The following VWA3B variants were observed in gnomAD, a reference collection of about 807,000 sequenced individuals.
VWA3B encodes the protein von Willebrand factor A domain containing 3B.
VWA3B carries 138 observed loss-of-function variants against 158.3 expected under a neutral mutation model. The observed-to-expected ratio is 0.87, with a 90% CI of 0.76 to 1.00. VWA3B has a LOEUF of 1.00. Ranked by LOEUF, VWA3B falls within the 50% of genes least tolerant of loss-of-function variation. VWA3B has a pLI of 0.00. For synonymous variants in VWA3B, 596 were observed against 587.3 expected (o/e 1.01, Z -0.21); for missense variants, 1,555 against 1,565.1 (o/e 0.99, Z 0.11).
At chr2:98,303,915 G>A (rs1374330197) in intron 26 of VWA3B, 113 bp downstream of exon 26, 4 of 974,670 alleles carry the variant, frequency 4.1e-6, no homozygotes, top group Non-Finnish European at 6.3e-6. Flanking sequence ...AAGTAGAGAT[G>A]CAGAATGTCC....
intron 15 of VWA3B, among the ~76,000 whole-genome samples, chr2:98,229,247 G>A (rs146360171): frequency 3.7e-4 from 56 of 152,300 alleles, no homozygotes; most frequent in African/African-American, 1.3e-3. Context: ...GCCATTTATT[G>A]AGTACAAACC....
chr2:98,132,821 A>C (rs1675980421), intron 6 of VWA3B, among the ~76,000 whole-genome samples: 1 of 152,224 alleles, frequency 6.6e-6, no homozygotes, highest in African/African-American at 2.4e-5. Flanking sequence ...AATGAGGCTG[A>C]CATTTTAATT....
intron 6 of VWA3B, among the ~76,000 whole-genome samples, chr2:98,132,326 G>A (rs1329842449): frequency 6.6e-6 from 1 of 152,214 alleles, no homozygotes; most frequent in African/African-American, 2.4e-5. Flanking sequence ...GGTTGGTCTT[G>A]GTGCACCTTT....
At chr2:98,247,989 A>G (rs1469770841) in intron 19 of VWA3B, among the ~76,000 whole-genome samples, 2 of 152,082 alleles carry the variant, frequency 1.3e-5, no homozygotes, top group Non-Finnish European at 2.9e-5. Context: ...CTGCAGTACT[A>G]TCTATCACCC....
chr2:98,094,223 C>T (rs1682556070), intron 2 of VWA3B, among the ~76,000 whole-genome samples: 1 of 152,084 alleles, frequency 6.6e-6, no homozygotes, highest in East Asian at 1.9e-4. Context: ...CTCCATACTG[C>T]TTTCCATAAT....
intron 22 of VWA3B, among the ~76,000 whole-genome samples, chr2:98,274,015 G>A (rs1688369093): frequency 6.6e-6 from 1 of 152,062 alleles, no homozygotes; most frequent in African/African-American, 2.4e-5. Flanking sequence ...ACCACAAAAT[G>A]GGAATAAAAA....
chr2:98,261,975 G>T (rs1687513225), intron 21 of VWA3B, among the ~76,000 whole-genome samples: 1 of 151,530 alleles, frequency 6.6e-6, no homozygotes, highest in Non-Finnish European at 1.5e-5. Context: ...TTTTGTTTTT[G>T]TAGTGACCAT....
chr2:98,132,290 C>T (rs570925621), intron 6 of VWA3B, among the ~76,000 whole-genome samples: 6 of 152,346 alleles, frequency 3.9e-5, no homozygotes, highest in African/African-American at 1.2e-4. Flanking sequence ...CTTCTCCACT[C>T]CCTGCCTGGA....
At chr2:98,146,622 C>G (rs1204016340) in intron 7 of VWA3B, among the ~76,000 whole-genome samples, 1 of 152,238 alleles carries the variant, frequency 6.6e-6, no homozygotes, top group East Asian at 1.9e-4. Flanking sequence ...AGAGCTGCCA[C>G]AGCCCTTTTG....
chr2:98,248,481 T>C (rs368118487), intron 19 of VWA3B, among the ~76,000 whole-genome samples: 1 of 152,166 alleles, frequency 6.6e-6, no homozygotes, highest in African/African-American at 2.4e-5. Context: ...TCCATGGTGA[T>C]GTTGTAGATA....
At chr2:98,196,151 G>A (rs1312431273) in intron 12 of VWA3B, among the ~76,000 whole-genome samples, 2 of 152,132 alleles carry the variant, frequency 1.3e-5, no homozygotes, top group East Asian at 3.9e-4. Flanking sequence ...GTTGGTCAAA[G>A]GGTACGTAGT....
At chr2:98,194,754 C>G (rs1325360660) in intron 12 of VWA3B, among the ~76,000 whole-genome samples, 3 of 152,166 alleles carry the variant, frequency 2.0e-5, no homozygotes, top group East Asian at 1.9e-4. Context: ...GGTTGAAGCC[C>G]CCTTATGAAA....
Position 98,236,470 on chromosome 2 carries a change from G to T in VWA3B, c.2509G>T (p.Asp837Tyr). 2 of 1,614,204 alleles carry T rather than the reference G, an allele frequency of 1.2e-6. No homozygotes were observed. The highest frequency in any genetic ancestry group is 2.2e-5 in the South Asian group (2 of 91,038). ...GACGCGAGAAGGAAGCCAGGTTTATGACCACGAGTGAGTTCTTTAATTTGA... is the reference window on the plus strand; with the variant it reads ...GACGCGAGAAGGAAGCCAGGTTTATTACCACGAGTGAGTTCTTTAATTTGA... ...KVTREGSQVYDHDSSDVSSEN... is the reference protein window; with the variant it reads ...KVTREGSQVYYHDSSDVSSEN... The change falls in exon 18 of 28, where the codon GAC becomes TAC. Residue 837 changes from aspartate to tyrosine, a missense_variant. By Grantham distance (160) the Asp-to-Tyr change is radical. Coordinates refer to ENST00000477737, the MANE Select transcript of VWA3B (RefSeq NM_144992.5).
intron 12 of VWA3B, among the ~76,000 whole-genome samples, chr2:98,210,358 AC>A (rs566182361): frequency 2.4e-4 from 37 of 152,112 alleles, no homozygotes; most frequent in Non-Finnish European, 4.4e-4. Flanking sequence ...CTGGGCATGA[AC>A]TTTTACAGCT....
At chr2:98,236,909 C>T in intron 19 of VWA3B, 179 bp downstream of exon 19, 9 of 853,320 alleles carry the variant, frequency 1.1e-5, no homozygotes, top group Admixed American at 3.1e-5. Flanking sequence ...GGCGCGGTGG[C>T]GCATGCCTGT....
At chr2:98,106,368 C>T (rs560745404) in intron 2 of VWA3B, among the ~76,000 whole-genome samples, 1 of 151,900 alleles carries the variant, frequency 6.6e-6, no homozygotes, top group South Asian at 2.1e-4. Flanking sequence ...AGTTCATTTG[C>T]CTTTCCAAAT....
chr2:98,091,862 G>T (rs1682317266), intron 1 of VWA3B, among the ~76,000 whole-genome samples: 1 of 152,330 alleles, frequency 6.6e-6, no homozygotes, highest in African/African-American at 2.4e-5. Flanking sequence ...ACAGAAGTAA[G>T]CAGAACTTTC....
At chr2:98,194,537 A>G in intron 12 of VWA3B, 45 bp downstream of exon 12, 3 of 1,600,474 alleles carry the variant, frequency 1.9e-6, no homozygotes, top group Non-Finnish European at 2.6e-6. Flanking sequence ...GGAGTCTCTC[A>G]CCTGTGTACT....
At chr2:98,316,332 C>T (rs571702728), downstream of VWA3B, among the ~76,000 whole-genome samples, 28 of 152,206 alleles carry the variant, frequency 1.8e-4, no homozygotes, top group South Asian at 5.8e-3. Flanking sequence ...GGTTTCCACC[C>T]CAAAATCACA....
Sources: gnomAD v4.1 joint callset for allele counts (sites outside exome capture counted in the v4.1 genomes callset) on GRCh38, gnomAD v4.1.1 for gene constraint, MANE v1.5 for transcripts, NCBI Gene and HGNC (gene_info 2026-07-23, HGNC 2026-07-21) for gene names.